Variants in AATK observed in about 807,000 individuals in gnomAD.
AATK encodes the protein lemur tail kinase 1, also known as serine/threonine-protein kinase LMTK1.
A neutral mutation model predicts 114.3 loss-of-function variants in AATK; 91 were observed. The observed-to-expected ratio is 0.80, with a 90% CI of 0.67 to 0.95. AATK has a LOEUF of 0.95. Among genes scored for constraint, AATK ranks in the 40% least tolerant of loss-of-function variants. The pLI is 0.00. For missense variants in AATK, 2,176 were observed against 1,965.2 expected, an observed-to-expected ratio of 1.11 and a Z score of -2.03; for synonymous variants, 1,075 against 916.5, an observed-to-expected ratio of 1.17 and a Z score of -3.12.
At chr17:81,160,283 C>G (rs1053714339) in intron 1 of AATK, 1 of 984,822 alleles carries the variant, frequency 1.0e-6, no homozygotes, top group African/African-American at 1.7e-5. Flanking sequence ...GGCTGTAACC[C>G]CAGAGTGACC....
chr17:81,119,248 G>T (rs1009295130), intron 13 of AATK, 132 bp downstream of exon 13: 73 of 884,394 alleles, frequency 8.3e-5, no homozygotes, highest in Non-Finnish European at 1.1e-4. Flanking sequence ...GAAGGAGCGG[G>T]GCCGGGAAGG....
intron 1 of AATK, among the ~76,000 whole-genome samples, chr17:81,148,434 G>A (rs1405745096): frequency 3.9e-5 from 6 of 152,218 alleles, no homozygotes; most frequent in Admixed American, 2.6e-4. Flanking sequence ...CCTTGGAGGA[G>A]CCCACCCCCG....
intron 1 of AATK, among the ~76,000 whole-genome samples, chr17:81,147,261 T>G (rs962954589): frequency 6.7e-6 from 1 of 150,198 alleles, no homozygotes; most frequent in Non-Finnish European, 1.5e-5. Context: ...CTCGGGAGGC[T>G]GAGGCAGGAG....
At position 81,120,326 on chromosome 17, in the gene AATK, C is replaced by T. The variant is rs368792123; in HGVS notation, c.3610G>A (p.Ala1204Thr). The change falls in exon 11 of 14, where the codon GCG becomes ACG. Residue 1204 changes from alanine to threonine, a missense_variant. This residue lies in a region of AATK where 1,701 missense variants were observed against 1,394.7 expected (regional missense o/e 1.22). Transcript: ENST00000326724. ...VPVVVAESQSARNLRSLLKMP... is the reference protein window; with the variant it reads ...VPVVVAESQSTRNLRSLLKMP... ...TTGAGCAGGCTGCGCAGGTTGCGCG[C>T]GCTCTGGCTCTCAGCCACCACCACG... 13 of 1,610,542 alleles carry T rather than the reference C, an allele frequency of 8.1e-6. No homozygotes were observed. Among genetic ancestry groups the T allele is most frequent in the Middle Eastern group, 1.6e-4 (1 of 6,082 alleles).
At chr17:81,142,385 A>G (rs1399930256) in intron 1 of AATK, among the ~76,000 whole-genome samples, 1 of 149,460 alleles carries the variant, frequency 6.7e-6, no homozygotes, top group Non-Finnish European at 1.5e-5. Flanking sequence ...TAATCCTCCC[A>G]CCTTAGCCTC....
intron 1 of AATK, among the ~76,000 whole-genome samples, chr17:81,149,876 A>C (rs1454532103): frequency 6.6e-6 from 1 of 152,118 alleles, no homozygotes; most frequent in East Asian, 1.9e-4. Context: ...GTCTACCTGG[A>C]GGGGCATGTC....
intron 2 of AATK, chr17:81,133,177 C>T (rs1194710266): frequency 2.1e-6 from 1 of 476,930 alleles, no homozygotes; most frequent in East Asian, 6.2e-5. Context: ...AGGCACGCAG[C>T]TCCTCACTGG....
chr17:81,136,012 T>C (rs1360316302), intron 1 of AATK: 1 of 152,194 alleles, frequency 6.6e-6, no homozygotes, highest in Non-Finnish European at 1.5e-5. Context: ...GCACACCGGG[T>C]AAGCCCCGCT....
Position 81,120,865 on chromosome 17 carries a change from T to C in AATK, c.3071A>G (p.Glu1024Gly). ...CTGCCCAGTGCTCGGCAGGCCCAGC[T>C]CTGGCCCGGGGGCTCGGTCCCCGCC... ...KCGGDRAPGP[E>G]LGLPSTGQPS... Residue 1024 changes from glutamate to glycine, a missense_variant, in exon 11 of 14, where the codon GAG becomes GGG. Glu to Gly is a moderately conservative substitution (Grantham distance 98, BLOSUM62 -2). Coordinates refer to ENST00000326724, the MANE Select transcript of AATK (RefSeq NM_001080395.3). The C allele has an allele frequency of 6.3e-7, 1 of 1,578,552 alleles. No individual in the cohort carries two copies. Among genetic ancestry groups the C allele is most frequent in the Non-Finnish European group, 8.6e-7 (1 of 1,162,420 alleles).
chr17:81,120,309 G>T lies in AATK; in HGVS notation c.3627C>A (p.Ser1209Arg). The stretch of plus-strand genomic sequence containing the variant: ...ACAGCAGGCTGGGCATCTTGAGCAG[G>T]CTGCGCAGGTTGCGCGCGCTCTGGC... Reference protein sequence around the residue: ...AESQSARNLRSLLKMPSLLSE... With the variant: ...AESQSARNLRRLLKMPSLLSE... Residue 1209 changes from serine (S) to arginine (R), a missense_variant, in exon 11 of 14, where the codon AGC (serine) becomes AGA (arginine). Coordinates refer to ENST00000326724, the MANE Select transcript of AATK (RefSeq NM_001080395.3). The T allele has an allele frequency of 6.2e-7, 1 of 1,610,624 alleles. No homozygotes were observed. Among genetic ancestry groups the T allele is most frequent in the Non-Finnish European group, 8.5e-7 (1 of 1,179,120 alleles).
At chr17:81,136,675 C>CGTGA (rs1368946206) in intron 1 of AATK, among the ~76,000 whole-genome samples, 9 of 152,218 alleles carry the variant, frequency 5.9e-5, no homozygotes, top group African/African-American at 2.2e-4. Context: ...TTCAGCACCA[C>CGTGA]GTGCTGACTC....
intron 1 of AATK, among the ~76,000 whole-genome samples, chr17:81,155,695 T>TA (rs1442358319): frequency 7.2e-6 from 1 of 138,758 alleles, no homozygotes; most frequent in African/African-American, 2.9e-5. Flanking sequence ...ATAATATTTC[T>TA]TTTTTTTTTT....
At chr17:81,132,028 T>C (rs2060941511) in intron 2 of AATK, 13 of 1,304,286 alleles carry the variant, frequency 1.0e-5, no homozygotes, top group Non-Finnish European at 1.3e-5. Context: ...CCTGCCAGGC[T>C]GCTATTTTGA....
intron 6 of AATK, 102 bp downstream of exon 6, chr17:81,127,480 AG>A: frequency 8.5e-7 from 1 of 1,171,780 alleles, no homozygotes; most frequent in African/African-American, 1.5e-5. Flanking sequence ...GGCTTTAGGG[AG>A]GATGTGAGGC....
intron 1 of AATK, among the ~76,000 whole-genome samples, chr17:81,145,852 G>A (rs2061211102): frequency 6.6e-6 from 1 of 151,304 alleles, no homozygotes; most frequent in African/African-American, 2.4e-5. Context: ...TGACTACACA[G>A]AGCACACAAT....
At chr17:81,147,112 C>G (rs2061231884) in intron 1 of AATK, among the ~76,000 whole-genome samples, 1 of 151,520 alleles carries the variant, frequency 6.6e-6, no homozygotes, top group African/African-American at 2.4e-5. Flanking sequence ...CCTGTAATCT[C>G]AGCACTCTGG....
intron 9 of AATK, 89 bp downstream of exon 9, chr17:81,124,638 G>A: frequency 6.4e-7 from 1 of 1,561,964 alleles, no homozygotes; most frequent in Non-Finnish European, 8.7e-7. Context: ...GCAGCCCCCT[G>A]ACCTCACTAC....
At chr17:81,165,608 C>T (rs1382006777) in intron 1 of AATK, 2 of 1,414,724 alleles carry the variant, frequency 1.4e-6, no homozygotes, top group Non-Finnish European at 1.9e-6. Flanking sequence ...CCCCCACACC[C>T]CCAAGGGCCC....
In AATK at chr17:81,117,464, A is replaced by C. The variant is rs1449708922; in HGVS notation, c.*938T>G. The stretch of plus-strand genomic sequence containing the variant: ...AAATCACCCAACTTCCATTCGCTCC[A>C]ACCACAGCAGTTAGTTAGTTACAAA... On this transcript the variant is annotated 3_prime_UTR_variant, in exon 14 of 14. Transcript: ENST00000326724. The C allele has an allele frequency of 2.0e-5, 3 of 152,154 alleles. No individual in the cohort carries two copies. Among genetic ancestry groups the C allele is most frequent in the Admixed American group, 6.5e-5 (1 of 15,282 alleles). The allele number at this position is 152,154 out of a possible 1,614,324, so 9.4% of individuals were successfully genotyped here.
Sources: gnomAD v4.1 joint callset for allele counts (sites outside exome capture counted in the v4.1 genomes callset) on GRCh38, gnomAD v4.1.1 for gene constraint, gnomAD v4.1.1 regional missense constraint, MANE v1.5 for transcripts, NCBI Gene and HGNC (gene_info 2026-07-23, HGNC 2026-07-21) for gene names.